HNF4A: variants seen among roughly 807,000 people sequenced by gnomAD.
HNF4A encodes the protein hepatocyte nuclear factor 4 alpha, also known as hepatocyte nuclear factor 4-alpha.
Under a neutral mutation model 52.4 loss-of-function variants are expected in HNF4A, and 15 were observed. The observed-to-expected ratio is 0.29, with a 90% confidence interval of 0.19 to 0.44. The LOEUF (loss-of-function observed/expected upper bound fraction) is 0.44, where lower values mean the gene tolerates loss of function less well. Among genes scored for constraint, HNF4A ranks in the 20% least tolerant of loss-of-function variants. The probability of loss-of-function intolerance (pLI) is 1.00; values close to 1 mark genes in which losing one functional copy is unlikely to be tolerated. For synonymous variants in HNF4A, 280 were observed against 264.4 expected (o/e 1.06, Z -0.57); for missense variants, 479 against 647.2 (o/e 0.74, Z 2.82).
At chr20:44,433,060 G>C (rs2063896469), downstream of HNF4A, 1 of 152,220 alleles carries the variant, frequency 6.6e-6, no homozygotes, top group Non-Finnish European at 1.5e-5. Context: ...TCCAGATGAG[G>C]AGACTGAGGC....
intron 1 of HNF4A, among the ~76,000 whole-genome samples, chr20:44,358,063 C>A (rs2062876714): frequency 6.7e-6 from 1 of 148,472 alleles, no homozygotes; most frequent in Admixed American, 6.8e-5. Context: ...GTGAGAGTGG[C>A]TGAAAGACCC....
At chr20:44,392,988 C>G (rs2063318695) in intron 1 of HNF4A, among the ~76,000 whole-genome samples, 1 of 152,252 alleles carries the variant, frequency 6.6e-6, no homozygotes, top group South Asian at 2.1e-4. Context: ...AGGGCAGTAA[C>G]TCTGATCTGA....
At chr20:44,420,607 T>A (rs2063731150) in intron 7 of HNF4A, among the ~76,000 whole-genome samples, 1 of 151,932 alleles carries the variant, frequency 6.6e-6, no homozygotes, top group South Asian at 2.1e-4. Flanking sequence ...TAACAAGACC[T>A]CGTCTCTATA....
At chr20:44,405,154 C>T (rs1201262124) in intron 1 of HNF4A, among the ~76,000 whole-genome samples, 1 of 134,492 alleles carries the variant, frequency 7.4e-6, no homozygotes, top group African/African-American at 2.8e-5. Context: ...CTTGCATTTT[C>T]CCGGGGGCTG....
Position 44,411,408 on chromosome 20 carries a change from C to T in HNF4A, c.386-2286C>T, listed in dbSNP as rs184233559. Among the ~76,000 whole-genome samples the T allele has an allele frequency of 3.2e-4, 48 of 152,332 alleles. No homozygotes were observed. The East Asian group carries it at 3.5e-3, about 11-fold the overall frequency. On this transcript the variant is annotated intron_variant, in intron 3 of 9. Coordinates refer to ENST00000316099, the MANE Select transcript of HNF4A (RefSeq NM_000457.6). ...GCTCGCGCCGGGCACTGATAACGCC[C>T]GCCTAACCTTGAGGAGCCCTATCCG...
intron 3 of HNF4A, chr20:44,408,266 T>C (rs2063531786): frequency 6.4e-6 from 1 of 155,386 alleles, no homozygotes; most frequent in Admixed American, 6.5e-5. Flanking sequence ...TTAAGCAACT[T>C]GCCTAGGGCC....
At chr20:44,386,325 G>A (rs6130607) in intron 1 of HNF4A, among the ~76,000 whole-genome samples, 34,702 of 151,540 alleles carry the variant, frequency 0.23, 4,979 homozygotes, top group Non-Finnish European at 0.33. Flanking sequence ...GTGCTACCAC[G>A]CTCGGCTAAT....
At chr20:44,369,373 T>C (rs2146199076) in intron 1 of HNF4A, among the ~76,000 whole-genome samples, 1 of 149,866 alleles carries the variant, frequency 6.7e-6, no homozygotes, top group South Asian at 2.1e-4. Flanking sequence ...GAGGCTGTAG[T>C]GAACAAACAT....
At chr20:44,390,606 G>A (rs1402069077) in intron 1 of HNF4A, 1 of 702,506 alleles carries the variant, frequency 1.4e-6, no homozygotes, top group Non-Finnish European at 2.6e-6. Context: ...AAGAGGTTGT[G>A]CACTGTGCGG....
At chr20:44,371,946 T>C (rs971683952) in intron 1 of HNF4A, among the ~76,000 whole-genome samples, 4 of 152,230 alleles carry the variant, frequency 2.6e-5, no homozygotes, top group African/African-American at 4.8e-5. Context: ...TTCCTCTAAT[T>C]TGCCGTAGTC....
chr20:44,399,692 A>G (rs2063384893), upstream of HNF4A, among the ~76,000 whole-genome samples: 1 of 151,934 alleles, frequency 6.6e-6, no homozygotes, highest in African/African-American at 2.4e-5. Context: ...TCACCCACCC[A>G]TTTGCTCACT....
intron 1 of HNF4A, among the ~76,000 whole-genome samples, chr20:44,388,721 C>A (rs919523461): frequency 2.6e-5 from 4 of 152,214 alleles, no homozygotes; most frequent in African/African-American, 7.2e-5. Flanking sequence ...AAGCGCAAAG[C>A]GCAGCACTGC....
At position 44,385,059 on chromosome 20, in the gene HNF4A, C is replaced by CTTTTTTTT. The variant is rs775721024; in HGVS notation, c.50-20978_50-20971dup. The stretch of plus-strand genomic sequence containing the variant: ...AGTGGTTTCAGCTGAACTCTGTGAT[C>CTTTTTTTT]TTTTTTTTTTTTTTTTTTTTTTTTT... On this transcript the variant is annotated intron_variant, in intron 1 of 9. Transcript: ENST00000316673. Among the ~76,000 whole-genome samples, 166 of 34,984 alleles carry CTTTTTTTT rather than the reference C, an allele frequency of 4.7e-3. 34 individuals are homozygous for CTTTTTTTT. Among genetic ancestry groups the CTTTTTTTT allele is most frequent in the South Asian group, 0.019 (7 of 376 alleles). The allele number at this position is 34,984 out of a possible 152,430, so 23.0% of individuals were successfully genotyped here. A position where few individuals can be genotyped will look rare whatever the true frequency, so the allele number is the denominator to read the frequency against.
At position 44,413,716 on chromosome 20, in the gene HNF4A, G is replaced by T. The variant is rs753828250; in HGVS notation, c.408G>T (p.Arg136=). The stretch of plus-strand genomic sequence containing the variant: ...CAGCCGTCCAGAATGAGCGGGACCG[G>T]ATCAGCACTCGAAGGTCAAGCTATG... The change falls in exon 4 of 10, where the codon CGG becomes CGT. Residue 136 remains arginine, a synonymous_variant. Coordinates refer to ENST00000316099, the MANE Select transcript of HNF4A (RefSeq NM_000457.6). The T allele has an allele frequency of 1.2e-6, 2 of 1,613,778 alleles. No individual in the cohort carries two copies. The highest frequency in any genetic ancestry group is 1.7e-5 in the Admixed American group (1 of 59,988).
At chr20:44,409,729 A>G (rs1043482826) in intron 3 of HNF4A, among the ~76,000 whole-genome samples, 11 of 152,112 alleles carry the variant, frequency 7.2e-5, no homozygotes, top group Non-Finnish European at 1.6e-4. Context: ...TAAAATGAGG[A>G]CATTGGATAA....
chr20:44,388,225 T>C (rs1351127176), intron 1 of HNF4A, among the ~76,000 whole-genome samples: 1 of 151,982 alleles, frequency 6.6e-6, no homozygotes, highest in African/African-American at 2.4e-5. Flanking sequence ...AAGCTGGAGT[T>C]ACAGGCATGC....
chr20:44,412,463 G>T (rs2063598702), intron 3 of HNF4A, among the ~76,000 whole-genome samples: 3 of 152,174 alleles, frequency 2.0e-5, no homozygotes, highest in African/African-American at 7.2e-5. Flanking sequence ...GCGTGCGGAT[G>T]CGTCCAGGTG....
At chr20:44,399,063 C>G (rs1424601585), upstream of HNF4A, among the ~76,000 whole-genome samples, 2 of 152,244 alleles carry the variant, frequency 1.3e-5, no homozygotes, top group Non-Finnish European at 2.9e-5. Flanking sequence ...CTCCACATCT[C>G]TTCTGTGTTT....
chr20:44,429,393 C>T, intron 9 of HNF4A, 130 bp from the exon 10 acceptor site: 1 of 960,548 alleles, frequency 1.0e-6, no homozygotes, highest in Non-Finnish European at 1.6e-6. Flanking sequence ...TTAATTCTCT[C>T]ATTTTATAGA....
Sources: allele counts gnomAD v4.1 joint callset (sites outside exome capture counted in the v4.1 genomes callset), GRCh38; gene constraint gnomAD v4.1.1; transcripts MANE v1.5; gene names NCBI Gene and HGNC (gene_info 2026-07-23, HGNC 2026-07-21).